Variants in C16orf46 observed in about 807,000 individuals in gnomAD.
C16orf46 encodes chromosome 16 open reading frame 46, also known as uncharacterized protein C16orf46.
In C16orf46, 7 loss-of-function variants were observed where a neutral mutation model predicts 5.5. That is an observed-to-expected ratio of 1.28 (90% confidence interval 0.73 to 2.40). The LOEUF (loss-of-function observed/expected upper bound fraction) is 2.40. Ranked by LOEUF, C16orf46 falls within the 30% of genes most tolerant of loss-of-function variation. The probability of loss-of-function intolerance (pLI) is 0.00; values close to 1 mark genes in which losing one functional copy is unlikely to be tolerated. For synonymous variants in C16orf46, 200 were observed against 184.1 expected (o/e 1.09, Z -0.70); for missense variants, 614 against 476.0 (o/e 1.29, Z -2.70).
chr16:81,066,781 T>G (rs1461084559), intron 1 of C16orf46, among the ~76,000 whole-genome samples: 1 of 152,238 alleles, frequency 6.6e-6, no homozygotes, highest in Non-Finnish European at 1.5e-5. Flanking sequence ...CTTTACAACC[T>G]GATTCAGTTT....
chr16:81,061,045 C>A lies in C16orf46; in HGVS notation c.*116G>T, dbSNP rs1971445045. The A allele has an allele frequency of 7.5e-7, 1 of 1,329,226 alleles. No individual in the cohort carries two copies. The highest frequency in any genetic ancestry group is 2.9e-5 in the Admixed American group (1 of 34,644). 82.3% of individuals were successfully genotyped at this position (1,329,226 alleles called of 1,614,324 possible). On this transcript the variant is annotated 3_prime_UTR_variant, in exon 4 of 4. Transcript: ENST00000299578. The stretch of plus-strand genomic sequence containing the variant: ...GGAGGAAAAGAAGAGTAAAGACAGA[C>A]TGACGGGGAGGAGAGAAAGAGAGAG...
At chr16:81,076,627 C>G (rs1972050328) in intron 1 of C16orf46, 1 of 152,524 alleles carries the variant, frequency 6.6e-6, no homozygotes, top group African/African-American at 2.4e-5. Context: ...ACACAGCTTA[C>G]AGTCCACAGC....
rs10665480 is a variant in C16orf46 at position 81,054,507 on chromosome 16, T to TC, written c.1144-414_1144-413insG. ...AGCTGGTATCAATTTTTCTGCACCTTTTTTGGTAACGTGATATATATATAT... is the reference window on the plus strand; with the variant it reads ...AGCTGGTATCAATTTTTCTGCACCTTCTTTTGGTAACGTGATATATATATAT... On this transcript the variant is annotated intron_variant, in intron 3 of 3. Coordinates refer to the C16orf46 transcript ENST00000378611. 9.0e-4 allele frequency among the ~76,000 whole-genome samples: 130 copies of TC among 144,108 alleles called. 1 individual carries two copies. The East Asian group carries it at 0.026, about 28-fold the overall frequency. 94.5% of individuals were successfully genotyped at this position (144,108 alleles called of 152,430 possible). A position where few individuals can be genotyped will look rare whatever the true frequency, so the allele number is the denominator to read the frequency against.
rs145137165 is a variant in C16orf46 at position 81,062,096 on chromosome 16, G to C, written c.253C>G (p.Pro85Ala). The C allele has an allele frequency of 2.4e-5, 38 of 1,605,076 alleles. No individual in the cohort carries two copies. The African/African-American group carries it at 4.9e-4, about 21-fold the overall frequency. Residue 85 changes from proline to alanine, a missense_variant, in exon 4 of 4, where the codon CCG becomes GCG. Transcript: ENST00000299578. ...GRTSPAACIWPRKIPKKARVG... is the reference protein window; with the variant it reads ...GRTSPAACIWARKIPKKARVG... The stretch of plus-strand genomic sequence containing the variant: ...CTCGCCTTTTTTGGTATCTTCCTCG[G>C]CCAGATGCAGGCAGCTGGAGAAGTC...
At chr16:81,073,590 A>G (rs1971928995) in intron 1 of C16orf46, among the ~76,000 whole-genome samples, 1 of 152,244 alleles carries the variant, frequency 6.6e-6, no homozygotes, top group South Asian at 2.1e-4. Context: ...GTTATTAACC[A>G]GTTGACCTGA....
chr16:81,063,339 A>G (rs1225989497), intron 3 of C16orf46, among the ~76,000 whole-genome samples: 2 of 151,846 alleles, frequency 1.3e-5, no homozygotes, highest in East Asian at 3.9e-4. Context: ...CACAGCTGCT[A>G]AGGAGCTCAG....
chr16:81,076,772 T>C (rs1000215805), intron 1 of C16orf46, among the ~76,000 whole-genome samples: 3 of 151,930 alleles, frequency 2.0e-5, no homozygotes, highest in Admixed American at 6.6e-5. Context: ...GGCTCCTCCC[T>C]TTATGCCATA....
rs1971569953 is a variant in C16orf46 at position 81,063,940 on chromosome 16, T to A, written c.16A>T (p.Lys6Ter). MDLCQ[K>*]NETDLENAEN... is the part of the protein sequence containing the mutation. ...GCATTTTCTAAGTCAGTCTCATTTT[T>A]CTGACAGAGATCCATTACTGTGATG... Residue 6 changes from lysine (K) to a stop codon, truncating the protein, a stop_gained, in exon 3 of 4, where the codon AAA becomes TAA. Transcript: ENST00000299578. LOFTEE classifies it high-confidence loss of function. 3 of 1,612,670 alleles carry A rather than the reference T, an allele frequency of 1.9e-6. No individual in the cohort carries two copies. In the Middle Eastern group the frequency reaches 5.1e-4, roughly 275 times the overall value.
In C16orf46 at chr16:81,062,064, C is replaced by G. The variant is rs940810823; in HGVS notation, c.285G>C (p.Gly95=). ...CCAAGCAGTCGCTGCAGGCACCTTCCCCTACCCTCGCCTTTTTTGGTATCT... is the reference window on the plus strand; with the variant it reads ...CCAAGCAGTCGCTGCAGGCACCTTCGCCTACCCTCGCCTTTTTTGGTATCT... The part of the protein sequence containing the change: ...PRKIPKKARV[G]EGACSDCLVC... Residue 95 remains glycine, a synonymous_variant, in exon 4 of 4, where the codon GGG becomes GGC. Coordinates refer to ENST00000299578, the MANE Select transcript of C16orf46 (RefSeq NM_152337.3). 7 of 1,612,300 alleles carry G rather than the reference C, an allele frequency of 4.3e-6. No homozygotes were observed. The highest frequency in any genetic ancestry group is 1.1e-5 in the South Asian group (1 of 91,074).
intron 1 of C16orf46, among the ~76,000 whole-genome samples, chr16:81,067,665 G>C (rs767451649): frequency 6.6e-6 from 1 of 152,114 alleles, no homozygotes; most frequent in Non-Finnish European, 1.5e-5. Context: ...CGATTCTCCT[G>C]CCTCAGCCTC....
exon 4 of C16orf46, chr16:81,053,813 T>C (rs1204408851): frequency 7.4e-5 from 29 of 389,968 alleles, no homozygotes; most frequent in Non-Finnish European, 2.3e-5. Context: ...AAAGTACATA[T>C]ATTATATTAC....
At chr16:81,064,042 T>TA (rs1438979310) in intron 2 of C16orf46, 49 bp from the exon 3 acceptor site, 13 of 1,032,706 alleles carry the variant, frequency 1.3e-5, no homozygotes, top group East Asian at 7.7e-5. Flanking sequence ...AATTTTTTTT[T>TA]AAAAAAAGCA....
chr16:81,060,201 G>GA, downstream of C16orf46, among the ~76,000 whole-genome samples: 1 of 152,278 alleles, frequency 6.6e-6, no homozygotes, highest in Non-Finnish European at 1.5e-5. Context: ...ATGGCACCCT[G>GA]AAAATGCAGG....
rs1477775430 is a variant in C16orf46, at chr16:81,061,843, A to G, written c.506T>C (p.Ile169Thr). 1 of 1,614,220 alleles carries G rather than the reference A, an allele frequency of 6.2e-7. No homozygotes were observed. Among genetic ancestry groups the G allele is most frequent in the Middle Eastern group, 1.6e-4 (1 of 6,062 alleles). The change falls in exon 4 of 4, where the codon ATT becomes ACT. Residue 169 changes from isoleucine (I) to threonine (T), a missense_variant. Ile to Thr is a moderately conservative substitution (Grantham distance 89). Coordinates refer to ENST00000299578, the MANE Select transcript of C16orf46 (RefSeq NM_152337.3). The part of the protein sequence containing the change: ...EKKSLQIKEF[I>T]WCNKDWAIPG... Reference sequence around the variant, plus strand: ...GATGGCCCAGTCTTTGTTGCACCAAATAAACTCCTTGATTTGCAGACTTTT... The same window carrying G: ...GATGGCCCAGTCTTTGTTGCACCAAGTAAACTCCTTGATTTGCAGACTTTT...
downstream of C16orf46, chr16:81,060,905 T>A: frequency 9.0e-7 from 1 of 1,111,270 alleles, no homozygotes; most frequent in Non-Finnish European, 1.1e-6. Context: ...AATTGGCATT[T>A]TGTGAATGGC....
At chr16:81,076,042 T>A (rs1027963655) in intron 1 of C16orf46, among the ~76,000 whole-genome samples, 1 of 152,240 alleles carries the variant, frequency 6.6e-6, no homozygotes, top group African/African-American at 2.4e-5. Context: ...GATGAGTTTC[T>A]GGCAGCCTCA....
chr16:81,074,985 G>T (rs570220367), intron 1 of C16orf46, among the ~76,000 whole-genome samples: 43 of 152,118 alleles, frequency 2.8e-4, no homozygotes, highest in Non-Finnish European at 4.0e-4. Context: ...CCATTAATTT[G>T]ATGAGGATGC....
intron 2 of C16orf46, among the ~76,000 whole-genome samples, chr16:81,065,023 T>C (rs13332530): frequency 0.14 from 9,727 of 70,756 alleles, 998 homozygotes; most frequent in African/African-American, 0.28. Context: ...TGGATGTTTT[T>C]CTGGAAAATG....
chr16:81,075,455 T>C (rs1972005346), intron 1 of C16orf46, among the ~76,000 whole-genome samples: 1 of 152,122 alleles, frequency 6.6e-6, no homozygotes, highest in Non-Finnish European at 1.5e-5. Flanking sequence ...CCAGGCATGG[T>C]GGCTCACGCC....
Sources: gnomAD v4.1 joint callset for allele counts (sites outside exome capture counted in the v4.1 genomes callset) on GRCh38, gnomAD v4.1.1 for gene constraint, MANE v1.5 for transcripts, NCBI Gene and HGNC (gene_info 2026-07-23, HGNC 2026-07-21) for gene names.